ZFHX3: variants seen among roughly 807,000 people sequenced by gnomAD.
ZFHX3 encodes the protein zinc finger homeobox 3.
A neutral mutation model predicts 279.1 loss-of-function variants in ZFHX3; 42 were observed. The observed-to-expected ratio is 0.15, with a 90% CI of 0.12 to 0.19. The LOEUF is 0.19. Ranked by LOEUF, ZFHX3 falls within the 10% of genes least tolerant of loss-of-function variation. The pLI is 1.00. For synonymous variants in ZFHX3, 2,293 were observed against 1,957.8 expected, an observed-to-expected ratio of 1.17 and a Z score of -4.52; for missense variants, 4,981 against 4,754.0, an observed-to-expected ratio of 1.05 and a Z score of -1.40.
intron 2 of ZFHX3, among the ~76,000 whole-genome samples, chr16:73,621,038 G>T (rs933836698): frequency 6.6e-6 from 1 of 152,200 alleles, no homozygotes; most frequent in African/African-American, 2.4e-5. Context: ...TTCCAAGGGG[G>T]TTGTAATTAT....
At chr16:73,606,776 C>T (rs2052188999) in intron 2 of ZFHX3, among the ~76,000 whole-genome samples, 1 of 152,120 alleles carries the variant, frequency 6.6e-6, no homozygotes, top group Non-Finnish European at 1.5e-5. Context: ...TGTTTCCCCA[C>T]ATGTGTCCAT....
chr16:73,162,305 C>T (rs1257540116), intron 5 of ZFHX3, among the ~76,000 whole-genome samples: 4 of 152,142 alleles, frequency 2.6e-5, no homozygotes, highest in African/African-American at 7.2e-5. Flanking sequence ...ACTGCACATG[C>T]GAGGGATCTA....
rs148803211 is a variant in ZFHX3 at position 72,970,548 on chromosome 16, C to T, written c.-49-10354G>A. Among the ~76,000 whole-genome samples the T allele has an allele frequency of 2.5e-4, 38 of 152,212 alleles. No homozygotes were observed. The East Asian group carries it at 5.0e-3, about 20-fold the overall frequency. On this transcript the variant is annotated intron_variant, in intron 1 of 9. Coordinates refer to ENST00000268489, the MANE Select transcript of ZFHX3 (RefSeq NM_006885.4). ...ATCCCCTCCCGGATTTGCAGCAGAA[C>T]CTCCTTTCACCAAATACCATTGCTT...
At chr16:73,526,396 G>A (rs866840977) in intron 2 of ZFHX3, among the ~76,000 whole-genome samples, 21 of 152,326 alleles carry the variant, frequency 1.4e-4, no homozygotes, top group Admixed American at 6.5e-4. Context: ...AGTCTTGAGC[G>A]TAAGCTGTGA....
chr16:73,296,069 CGTGT>C (rs58283675), intron 4 of ZFHX3, among the ~76,000 whole-genome samples: 25,869 of 148,910 alleles, frequency 0.17, 2,405 homozygotes, highest in Middle Eastern at 0.31. Context: ...ATTACAATCC[CGTGT>C]GTGTGTGTGT....
chr16:73,514,065 C>T (rs182475457), intron 2 of ZFHX3, among the ~76,000 whole-genome samples: 1 of 152,086 alleles, frequency 6.6e-6, no homozygotes, highest in East Asian at 1.9e-4. Context: ...TGGCTAACAC[C>T]GTGAAACCCT....
At chr16:73,724,648 G>C (rs746039083) in intron 1 of ZFHX3, among the ~76,000 whole-genome samples, 3 of 152,208 alleles carry the variant, frequency 2.0e-5, no homozygotes, top group Non-Finnish European at 4.4e-5. Context: ...GCCACATTCT[G>C]TCTAGGGCAC....
chr16:73,690,546 C>A (rs1412667070), intron 1 of ZFHX3, among the ~76,000 whole-genome samples: 2 of 152,220 alleles, frequency 1.3e-5, no homozygotes, highest in Admixed American at 6.5e-5. Context: ...CCTCCCATCC[C>A]TTCATGCACT....
intron 3 of ZFHX3, among the ~76,000 whole-genome samples, chr16:73,328,507 A>C (rs2015736961): frequency 6.6e-6 from 1 of 152,198 alleles, no homozygotes. Flanking sequence ...TTTAATTCTT[A>C]TCCCTGTTTT....
At chr16:73,455,040 T>C (rs534531854) in intron 3 of ZFHX3, among the ~76,000 whole-genome samples, 1 of 152,294 alleles carries the variant, frequency 6.6e-6, no homozygotes, top group African/African-American at 2.4e-5. Flanking sequence ...AAATGGAAGC[T>C]TGTCATTACA....
intron 4 of ZFHX3, among the ~76,000 whole-genome samples, chr16:73,275,518 G>T (rs1432752279): frequency 6.6e-6 from 1 of 152,142 alleles, no homozygotes; most frequent in Non-Finnish European, 1.5e-5. Flanking sequence ...AAATCCCCAT[G>T]CATAATCAAG....
intron 5 of ZFHX3, among the ~76,000 whole-genome samples, chr16:73,216,313 G>A (rs2144915496): frequency 6.6e-6 from 1 of 152,298 alleles, no homozygotes; most frequent in Non-Finnish European, 1.5e-5. Context: ...TCTGTGCCAT[G>A]TCATTCAAGG....
chr16:73,286,016 G>A (rs1048027271), intron 4 of ZFHX3, among the ~76,000 whole-genome samples: 18 of 152,186 alleles, frequency 1.2e-4, no homozygotes, highest in African/African-American at 3.4e-4. Flanking sequence ...CATAATATGC[G>A]CAGAAAAGCA....
intron 2 of ZFHX3, among the ~76,000 whole-genome samples, chr16:73,540,099 T>C (rs964090605): frequency 1.3e-5 from 2 of 152,226 alleles, no homozygotes; most frequent in African/African-American, 2.4e-5. Flanking sequence ...TTGGAGCTCA[T>C]TGTCATAATG....
rs1207083043 is a variant in ZFHX3, at chr16:72,787,454, C to T, written c.10822G>A (p.Ala3608Thr). ...GACTTCCTGGAGGCGTGGGGGGAAG[C>T]GGAGGAGGGGGCGGCGGCCGACGGG... ...PPPSAAAPSS[A>T]SPHASRKSWP... is the part of the protein sequence containing the mutation. Residue 3608 changes from alanine (A) to threonine (T), a missense_variant, in exon 10 of 10, where the codon GCT becomes ACT. Ala to Thr is a moderately conservative substitution (Grantham distance 58). Transcript: ENST00000268489. The T allele has an allele frequency of 5.2e-6, 6 of 1,146,506 alleles. No homozygotes were observed. Among genetic ancestry groups the T allele is most frequent in the Non-Finnish European group, 6.6e-6 (6 of 913,128 alleles). The allele number at this position is 1,146,506 out of a possible 1,614,324, so 71.0% of individuals were successfully genotyped here.
chr16:73,674,812 G>A (rs528047026), intron 2 of ZFHX3, among the ~76,000 whole-genome samples: 1 of 152,202 alleles, frequency 6.6e-6, no homozygotes, highest in East Asian at 1.9e-4. Flanking sequence ...TGTGCAGGAG[G>A]CTATCAGGAA....
rs201116956 is a variant in ZFHX3 at position 73,026,693 on chromosome 16, A to AAAAAAAC, written c.-50+21058_-50+21059insGTTTTTT. ...TGCCTCAAAAAAAAAAAAAAAAAAA[A>AAAAAAAC]AACACATAGTAAAGGGTCTGCTCAT... On this transcript the variant is annotated intron_variant, in intron 1 of 9. Transcript: ENST00000268489. 3.4e-3 allele frequency among the ~76,000 whole-genome samples: 491 copies of AAAAAAAC among 144,538 alleles called. 4 individuals are homozygous for AAAAAAAC. Among genetic ancestry groups the AAAAAAAC allele is most frequent in the Middle Eastern group, 7.4e-3 (2 of 270 alleles). 94.8% of individuals were successfully genotyped at this position (144,538 alleles called of 152,430 possible).
intron 2 of ZFHX3, among the ~76,000 whole-genome samples, chr16:73,522,406 C>T (rs1414297526): frequency 1.3e-5 from 2 of 152,162 alleles, no homozygotes; most frequent in African/African-American, 2.4e-5. Context: ...AACTTGAAAT[C>T]GGGTCTGCTA....
intron 2 of ZFHX3, among the ~76,000 whole-genome samples, chr16:73,546,833 G>A (rs1411973886): frequency 6.6e-6 from 1 of 151,774 alleles, no homozygotes; most frequent in Non-Finnish European, 1.5e-5. Context: ...GGTGAGGGGG[G>A]AGGGAGGCAG....
Sources: allele counts gnomAD v4.1 joint callset (sites outside exome capture counted in the v4.1 genomes callset), GRCh38; gene constraint gnomAD v4.1.1; transcripts MANE v1.5; gene names NCBI Gene and HGNC (gene_info 2026-07-23, HGNC 2026-07-21).